The following ADGRV1 variants were observed in gnomAD, a reference collection of about 807,000 sequenced individuals.
ADGRV1 encodes adhesion G protein-coupled receptor V1, also known as G-protein coupled receptor 98.
A neutral mutation model predicts 596.2 loss-of-function variants in ADGRV1; 359 were observed. That is an observed-to-expected ratio of 0.60 (90% CI 0.55 to 0.66). ADGRV1 has a LOEUF of 0.66. ADGRV1 is among the 30% of genes least tolerant of loss of function. The pLI is 0.00. For synonymous variants in ADGRV1, 2,681 were observed against 2,679.2 expected, an observed-to-expected ratio of 1.00 and a Z score of -0.02; for missense variants, 7,274 against 7,575.6, an observed-to-expected ratio of 0.96 and a Z score of 1.48.
chr5:90,766,929 A>C, intron 59 of ADGRV1, among the ~76,000 whole-genome samples: 1 of 152,136 alleles, frequency 6.6e-6, no homozygotes, highest in East Asian at 1.9e-4. Context: ...AAGGTGGGGA[A>C]GCAGCATATG....
chr5:90,596,326 G>T (rs1170821467), intron 1 of ADGRV1, among the ~76,000 whole-genome samples: 1 of 150,716 alleles, frequency 6.6e-6, no homozygotes, highest in Non-Finnish European at 1.5e-5. Context: ...AGGCAGAGGG[G>T]CTCCTCACAT....
At chr5:90,976,318 G>GTATATATA (rs1465709028) in intron 84 of ADGRV1, among the ~76,000 whole-genome samples, 134 of 120,728 alleles carry the variant, frequency 1.1e-3, no homozygotes, top group Admixed American at 2.9e-3. Flanking sequence ...GTGTGTGTGT[G>GTATATATA]TGTGTATATA....
intron 28 of ADGRV1, 134 bp from the exon 29 acceptor site, chr5:90,685,646 A>T (rs1745527891): frequency 3.0e-6 from 1 of 332,178 alleles, no homozygotes; most frequent in Admixed American, 4.8e-5. Flanking sequence ...AAATAAAATA[A>T]ATAGTAGAGG....
chr5:90,985,315 T>A (rs747176978), intron 84 of ADGRV1, 29 bp from the exon 85 acceptor site: 1 of 1,536,696 alleles, frequency 6.5e-7, no homozygotes, highest in Admixed American at 1.8e-5. Context: ...AAGAAGAGCC[T>A]GTTCATTTTA....
intron 83 of ADGRV1, among the ~76,000 whole-genome samples, chr5:90,882,962 CTA>C (rs1769936915): frequency 6.7e-6 from 1 of 149,756 alleles, no homozygotes; most frequent in Non-Finnish European, 1.5e-5. Flanking sequence ...CTGTTAGTAA[CTA>C]GAGATTTTTA....
intron 85 of ADGRV1, among the ~76,000 whole-genome samples, chr5:91,061,609 G>A (rs990724269): frequency 2.0e-4 from 30 of 151,988 alleles, no homozygotes; most frequent in African/African-American, 5.8e-4. Flanking sequence ...TGCTCTTTTC[G>A]AATTAGATGA....
chr5:90,692,903 AT>A (rs770293655), intron 32 of ADGRV1, 117 bp downstream of exon 32: 80 of 699,992 alleles, frequency 1.1e-4, no homozygotes, highest in Non-Finnish European at 1.6e-4. Flanking sequence ...GCCATAAATT[AT>A]TTTATAGGTT....
rs901315764 is a variant in ADGRV1, at chr5:90,575,205, CT to C, written c.22+16297del. ...TATTGTTGATTTGAGACCTTTCTAA[CT>C]TTTTTTTTACTTTTAAAAAAGACAT... is the stretch of plus-strand genomic sequence containing the variant. On this transcript the variant is annotated intron_variant, in intron 1 of 89. Transcript: ENST00000405460. Among the ~76,000 whole-genome samples, 15 of 150,248 alleles carry C rather than the reference CT, an allele frequency of 1.0e-4. No individual in the cohort carries two copies. In the East Asian group the frequency reaches 2.2e-3, roughly 22 times the overall value.
Position 90,673,838 on chromosome 5 carries a change from A to C in ADGRV1, c.4930-216A>C, listed in dbSNP as rs539291995. ...ACTATAGCAGCATCCATTATTTTTA[A>C]GGAATTAATCTATTCAGACTTCTCT... On this transcript the variant is annotated intron_variant, in intron 22 of 89. Coordinates refer to ENST00000405460, the MANE Select transcript of ADGRV1 (RefSeq NM_032119.4). Among the ~76,000 whole-genome samples, 27 of 152,186 alleles carry C rather than the reference A, an allele frequency of 1.8e-4. 1 individual carries two copies. Among genetic ancestry groups the C allele is most frequent in the Admixed American group, 5.9e-4 (9 of 15,276 alleles).
chr5:90,662,515 A>G (rs187585521), intron 21 of ADGRV1, among the ~76,000 whole-genome samples: 35 of 152,094 alleles, frequency 2.3e-4, no homozygotes, highest in African/African-American at 8.2e-4. Flanking sequence ...TTTTAAAGCA[A>G]ACCTCAGGCG....
At chr5:90,920,071 C>T (rs1204701263) in intron 83 of ADGRV1, among the ~76,000 whole-genome samples, 1 of 151,452 alleles carries the variant, frequency 6.6e-6, no homozygotes, top group African/African-American at 2.4e-5. Flanking sequence ...GTTCAGGCTG[C>T]TATAACAAAT....
At chr5:90,985,271 C>A in intron 84 of ADGRV1, 73 bp from the exon 85 acceptor site, 1 of 1,106,986 alleles carries the variant, frequency 9.0e-7, no homozygotes, top group Non-Finnish European at 1.2e-6. Flanking sequence ...GGTAACATTG[C>A]CTAAGCCAGT....
At chr5:90,967,497 G>C (rs960813919) in intron 84 of ADGRV1, among the ~76,000 whole-genome samples, 1 of 152,180 alleles carries the variant, frequency 6.6e-6, no homozygotes, top group Non-Finnish European at 1.5e-5. Context: ...GTTTATCTGA[G>C]TTAAACTTTT....
chr5:90,956,099 A>G (rs1377830864), intron 83 of ADGRV1, among the ~76,000 whole-genome samples: 3 of 152,146 alleles, frequency 2.0e-5, no homozygotes, highest in African/African-American at 7.2e-5. Flanking sequence ...TCCAGCTTAT[A>G]TGTATGCTTA....
chr5:90,750,580 G>A lies in ADGRV1; in HGVS notation c.11004G>A (p.Met3668Ile). 6.2e-7 allele frequency: 1 copy of A among 1,609,886 alleles called. No individual in the cohort carries two copies. ...QNSLYKQVEE[M>I]EQDSLVTLNV... ...CATTATATAAGCAAGTGGAAGAAAT[G>A]GAGCAAGATAGCCTAGTAACCTTGA... Residue 3668 changes from methionine (M) to isoleucine (I), a missense_variant, in exon 53 of 90, where the codon ATG (methionine) becomes ATA (isoleucine). By Grantham distance (10) the Met-to-Ile change is conservative. Coordinates refer to ENST00000405460, the MANE Select transcript of ADGRV1 (RefSeq NM_032119.4).
chr5:90,811,314 G>A lies in ADGRV1; in HGVS notation c.16054G>A (p.Ala5352Thr). The change falls in exon 74 of 90, where the codon GCT (alanine) becomes ACT (threonine). Residue 5352 changes from alanine to threonine, a missense_variant. By Grantham distance (58) the Ala-to-Thr change is moderately conservative. This residue lies in a region of ADGRV1 where 1,874 missense variants were observed against 1,970.2 expected (regional missense o/e 0.95). Coordinates refer to ENST00000405460, the MANE Select transcript of ADGRV1 (RefSeq NM_032119.4). ...VEEKDDTGFA[A>T]FAMVIITGSD... ...GGAGAAGGATGATACTGGATTTGCAGCTTTTGCCATGGTTATTATTACAGG... is the reference window on the plus strand; with the variant it reads ...GGAGAAGGATGATACTGGATTTGCAACTTTTGCCATGGTTATTATTACAGG... 6.2e-7 allele frequency: 1 copy of A among 1,606,424 alleles called. No homozygotes were observed. Among genetic ancestry groups the A allele is most frequent in the Non-Finnish European group, 8.5e-7 (1 of 1,176,308 alleles).
rs143338708 is a variant in ADGRV1 at position 90,991,397 on chromosome 5, C to T, written c.18152+5875C>T. 8.5e-5 allele frequency among the ~76,000 whole-genome samples: 13 copies of T among 152,262 alleles called. No homozygotes were observed. In the East Asian group the frequency reaches 1.9e-3, roughly 23 times the overall value. ...GAATTTGATTGTAATGAAAAAATTG[C>T]GTAACTTCATAACTTAATTTTAAAA... On this transcript the variant is annotated intron_variant, in intron 85 of 89. Transcript: ENST00000405460.
chr5:91,050,021 T>G (rs760497585), intron 85 of ADGRV1, among the ~76,000 whole-genome samples: 8 of 152,186 alleles, frequency 5.3e-5, no homozygotes, highest in Non-Finnish European at 1.2e-4. Context: ...CAGGGAGAAT[T>G]CCAGATGTCC....
intron 21 of ADGRV1, among the ~76,000 whole-genome samples, chr5:90,667,643 G>C (rs547257978): frequency 1.3e-5 from 2 of 151,624 alleles, no homozygotes; most frequent in Admixed American, 1.3e-4. Flanking sequence ...GCTTTGTTCC[G>C]TTGCTGGTGA....
Sources: allele counts gnomAD v4.1 joint callset (sites outside exome capture counted in the v4.1 genomes callset), GRCh38; gene constraint gnomAD v4.1.1; regional missense constraint gnomAD v4.1.1; transcripts MANE v1.5; gene names NCBI Gene and HGNC (gene_info 2026-07-23, HGNC 2026-07-21).